Variants in OMA1 observed in about 807,000 individuals in gnomAD.
The protein encoded by OMA1 is metalloendopeptidase OMA1, mitochondrial.
A neutral mutation model predicts 30.9 loss-of-function variants in OMA1; 38 were observed. The observed-to-expected ratio is 1.23, with a 90% CI of 0.95 to 1.61. The LOEUF is 1.61. OMA1 is among the 40% of genes most tolerant of loss of function. The pLI, the probability that OMA1 is intolerant of heterozygous loss-of-function variation, is 0.00. For synonymous variants in OMA1, 173 were observed against 121.9 expected, an observed-to-expected ratio of 1.42 and a Z score of -2.76; for missense variants, 461 against 349.2, an observed-to-expected ratio of 1.32 and a Z score of -2.55.
At chr1:58,529,316 T>C (rs1646397920) in intron 6 of OMA1, among the ~76,000 whole-genome samples, 1 of 152,166 alleles carries the variant, frequency 6.6e-6, no homozygotes, top group Non-Finnish European at 1.5e-5. Flanking sequence ...TAACAGATTG[T>C]TCCTAAATAA....
chr1:58,503,811 C>A (rs1350244374), intron 8 of OMA1, among the ~76,000 whole-genome samples: 4 of 152,132 alleles, frequency 2.6e-5, no homozygotes, highest in African/African-American at 9.7e-5. Flanking sequence ...ATAAGCCACC[C>A]AGTCTATGGT....
At chr1:58,510,673 G>T (rs889777767) in intron 7 of OMA1, among the ~76,000 whole-genome samples, 16 of 151,854 alleles carry the variant, frequency 1.1e-4, no homozygotes, top group Admixed American at 7.2e-4. Flanking sequence ...CAGAAAGAAA[G>T]AAGTAAAATG....
chr1:58,536,921 T>C (rs535747084), intron 2 of OMA1, among the ~76,000 whole-genome samples, 180 bp from the exon 3 acceptor site: 1 of 152,272 alleles, frequency 6.6e-6, no homozygotes, highest in East Asian at 1.9e-4. Flanking sequence ...AAATAATCAA[T>C]GATGTAAAGT....
chr1:58,500,435 C>A (rs186089107), intron 8 of OMA1, among the ~76,000 whole-genome samples: 16 of 152,264 alleles, frequency 1.1e-4, no homozygotes, highest in African/African-American at 3.8e-4. Flanking sequence ...ATGATTTATT[C>A]ATTTACTTTG....
rs1253050382 is a variant in OMA1 at position 58,538,898 on chromosome 1, T to A, written c.397A>T (p.Ile133Phe). The A allele has an allele frequency of 1.1e-6, 1 of 872,878 alleles. No individual in the cohort carries two copies. Among genetic ancestry groups the A allele is most frequent in the South Asian group, 1.3e-5 (1 of 76,526 alleles). 54.1% of individuals were successfully genotyped at this position (872,878 alleles called of 1,614,324 possible). ...HPLSPASIRAIRNFHTSPRFQ... is the reference protein window; with the variant it reads ...HPLSPASIRAFRNFHTSPRFQ... ...CGTGGAGAAGTATGGAAATTCCTAA[T>A]AGCTCTTATGGAAGCAGGGCTTAGA... is the stretch of plus-strand genomic sequence containing the variant. Residue 133 changes from isoleucine (I) to phenylalanine (F), a missense_variant, in exon 2 of 9, where the codon ATT becomes TTT. Coordinates refer to ENST00000371226, the MANE Select transcript of OMA1 (RefSeq NM_145243.5).
chr1:58,506,774 TAA>T (rs1205073589), intron 7 of OMA1, among the ~76,000 whole-genome samples: 5 of 152,134 alleles, frequency 3.3e-5, no homozygotes, highest in Non-Finnish European at 5.9e-5. Context: ...CAAATAAACA[TAA>T]AGAGATGACA....
At chr1:58,497,093 C>CA (rs1557441592) in intron 8 of OMA1, among the ~76,000 whole-genome samples, 1 of 152,076 alleles carries the variant, frequency 6.6e-6, no homozygotes, top group Non-Finnish European at 1.5e-5. Context: ...ATATCCTTCC[C>CA]AAAATTTAAT....
At chr1:58,521,379 G>A (rs1166128560) in intron 7 of OMA1, among the ~76,000 whole-genome samples, 1 of 151,286 alleles carries the variant, frequency 6.6e-6, no homozygotes, top group Non-Finnish European at 1.5e-5. Context: ...CTTAAGTTAG[G>A]GAAAGAACCA....
intron 7 of OMA1, among the ~76,000 whole-genome samples, chr1:58,517,626 T>C (rs1326454087): frequency 6.6e-6 from 1 of 150,568 alleles, no homozygotes. Context: ...TTTGTTAAAA[T>C]TATTTATTAA....
In OMA1 at chr1:58,518,341, A is replaced by AAGAGAAGAGG. The variant is rs1646204253; in HGVS notation, c.1215+8919_1215+8920insCCTCTTCTCT. On this transcript the variant is annotated intron_variant, in intron 7 of 8. Transcript: ENST00000371226. ...AAGAGAAGAGAAGAGAAGAGAAGAGAAGAGAAGAGAAGGGAAGGGAAGAGA... is the reference window on the plus strand; with the variant it reads ...AAGAGAAGAGAAGAGAAGAGAAGAGAAGAGAAGAGGAGAGAAGAGAAGGGAAGGGAAGAGA... Among the ~76,000 whole-genome samples, 2 of 131,356 alleles carry AAGAGAAGAGG rather than the reference A, an allele frequency of 1.5e-5. 1 individual carries two copies. Among genetic ancestry groups the AAGAGAAGAGG allele is most frequent in the African/African-American group, 6.3e-5 (2 of 31,598 alleles). The allele number at this position is 131,356 out of a possible 152,430, so 86.2% of individuals were successfully genotyped here. A position where few individuals can be genotyped will look rare whatever the true frequency, so the allele number is the denominator to read the frequency against.
intron 7 of OMA1, among the ~76,000 whole-genome samples, chr1:58,520,396 G>A (rs1229339218): frequency 6.6e-6 from 1 of 152,072 alleles, no homozygotes. Flanking sequence ...TGCCCAATTT[G>A]AAAATGGGAA....
At chr1:58,526,483 C>T (rs924132483) in intron 7 of OMA1, among the ~76,000 whole-genome samples, 4 of 151,550 alleles carry the variant, frequency 2.6e-5, no homozygotes, top group African/African-American at 9.7e-5. Context: ...TTAAATGCTA[C>T]TAATAACACT....
At chr1:58,499,538 A>G (rs145292508) in intron 8 of OMA1, among the ~76,000 whole-genome samples, 2 of 152,114 alleles carry the variant, frequency 1.3e-5, no homozygotes, top group Non-Finnish European at 2.9e-5. Flanking sequence ...ATTAAAAAGT[A>G]TAAACTTTCA....
chr1:58,498,840 A>G (rs1214990577), intron 8 of OMA1, among the ~76,000 whole-genome samples: 2 of 152,132 alleles, frequency 1.3e-5, no homozygotes, highest in African/African-American at 4.8e-5. Flanking sequence ...TTTCACAAAC[A>G]CTGCAATGGA....
intron 1 of OMA1, among the ~76,000 whole-genome samples, chr1:58,545,049 C>T (rs1361130065): frequency 6.6e-6 from 1 of 152,140 alleles, no homozygotes; most frequent in Admixed American, 6.5e-5. Flanking sequence ...GTTGGTTTTC[C>T]ATGGCTTCCA....
chr1:58,510,892 A>G (rs1025220088), intron 7 of OMA1, among the ~76,000 whole-genome samples: 3 of 152,152 alleles, frequency 2.0e-5, no homozygotes, highest in Admixed American at 2.0e-4. Flanking sequence ...AAAAGAATAA[A>G]ATACTTATTA....
intron 8 of OMA1, among the ~76,000 whole-genome samples, chr1:58,492,309 GC>G (rs1645710487): frequency 1.3e-5 from 2 of 152,078 alleles, no homozygotes; most frequent in Non-Finnish European, 2.9e-5. Flanking sequence ...ACAAAAGAAA[GC>G]AGGAAAGATC....
At chr1:58,540,694 T>A in intron 1 of OMA1, among the ~76,000 whole-genome samples, 1 of 143,666 alleles carries the variant, frequency 7.0e-6, no homozygotes. Flanking sequence ...TAAAATGAAA[T>A]ACAGAGAAAA....
At chr1:58,492,981 C>T (rs1645726071) in intron 8 of OMA1, among the ~76,000 whole-genome samples, 2 of 152,150 alleles carry the variant, frequency 1.3e-5, no homozygotes, top group Admixed American at 1.3e-4. Context: ...AATTTTAGAC[C>T]AATATCCCTG....
Sources: allele counts gnomAD v4.1 joint callset (sites outside exome capture counted in the v4.1 genomes callset), GRCh38; gene constraint gnomAD v4.1.1; transcripts MANE v1.5; gene names NCBI Gene and HGNC (gene_info 2026-07-23, HGNC 2026-07-21).